FBXO11: variants seen among roughly 807,000 people sequenced by gnomAD.
The protein encoded by FBXO11 is F-box only protein 11.
FBXO11 carries 13 observed loss-of-function variants against 117.0 expected under a neutral mutation model. That is an observed-to-expected ratio of 0.11 (90% CI 0.07 to 0.18). The LOEUF (loss-of-function observed/expected upper bound fraction) is 0.18, where lower values mean the gene tolerates loss of function less well. Ranked by LOEUF, FBXO11 falls within the 10% of genes least tolerant of loss-of-function variation. The probability of loss-of-function intolerance (pLI) is 1.00; values close to 1 mark genes in which losing one functional copy is unlikely to be tolerated. For synonymous variants in FBXO11, 490 were observed against 380.5 expected, an observed-to-expected ratio of 1.29 and a Z score of -3.35; for missense variants, 767 against 1,164.4, an observed-to-expected ratio of 0.66 and a Z score of 4.97.
chr2:47,883,454 A>T, intron 1 of FBXO11: 2 of 402,234 alleles, frequency 5.0e-6, no homozygotes, highest in Non-Finnish European at 1.0e-5. Flanking sequence ...CCGCCACCAA[A>T]ATGCAGATTT....
chr2:47,869,016 TCA>T (rs1675410355), intron 1 of FBXO11, among the ~76,000 whole-genome samples: 1 of 152,314 alleles, frequency 6.6e-6, no homozygotes, highest in South Asian at 2.1e-4. Flanking sequence ...TTTTGAAGAT[TCA>T]GTTACAACGT....
At chr2:47,809,461 A>C in intron 20 of FBXO11, 139 bp downstream of exon 20, 1 of 723,622 alleles carries the variant, frequency 1.4e-6, no homozygotes, top group Non-Finnish European at 2.2e-6. Context: ...TTTAGAACCA[A>C]AGCTCTGTTT....
intron 1 of FBXO11, among the ~76,000 whole-genome samples, chr2:47,854,664 T>C (rs1167140664): frequency 6.6e-6 from 1 of 152,072 alleles, no homozygotes; most frequent in Non-Finnish European, 1.5e-5. Flanking sequence ...GGAAGTTTGG[T>C]TAAAACAGAT....
rs554444606 is a variant in FBXO11, at chr2:47,906,326, C to T, written c.-606G>A. On this transcript the variant is annotated 5_prime_UTR_variant, in exon 1 of 23. Transcript: ENST00000403359. ...CTCTCTCCTCCCCCCCTTCTCTCCT[C>T]GGCGAAGGGGAAATGAGTGTGAAGG... 3.3e-5 allele frequency among the ~76,000 whole-genome samples: 5 copies of T among 152,176 alleles called. No individual in the cohort carries two copies. Among genetic ancestry groups the T allele is most frequent in the African/African-American group, 1.2e-4 (5 of 41,524 alleles).
At chr2:47,897,513 G>A (rs1442895161) in intron 1 of FBXO11, among the ~76,000 whole-genome samples, 2 of 152,004 alleles carry the variant, frequency 1.3e-5, no homozygotes, top group Non-Finnish European at 2.9e-5. Context: ...CTTGGCCAAC[G>A]TGGGGAAACC....
Position 47,899,682 on chromosome 2 carries a change from G to C in FBXO11, c.232+5807C>G, listed in dbSNP as rs144563884. Among the ~76,000 whole-genome samples, 81 of 152,156 alleles carry C rather than the reference G, an allele frequency of 5.3e-4. No homozygotes were observed. In the East Asian group the frequency reaches 0.015, roughly 29 times the overall value. The stretch of plus-strand genomic sequence containing the variant: ...GTATCTTCATAATTTTATTTTCACA[G>C]GGTAGCAACTACAATTTGGGGAATA... On this transcript the variant is annotated intron_variant, in intron 1 of 22. Transcript: ENST00000403359.
At chr2:47,904,644 C>G (rs1678605446) in intron 1 of FBXO11, among the ~76,000 whole-genome samples, 1 of 151,330 alleles carries the variant, frequency 6.6e-6, no homozygotes, top group Admixed American at 6.6e-5. Context: ...GGGGCCAGTT[C>G]TAAGCAAGGG....
intron 1 of FBXO11, among the ~76,000 whole-genome samples, chr2:47,840,316 T>A (rs1672921345): frequency 6.6e-6 from 1 of 152,004 alleles, no homozygotes; most frequent in South Asian, 2.1e-4. Flanking sequence ...GAACTGGTAC[T>A]ACATGGTTAG....
rs534944384 is a variant in FBXO11, at chr2:47,832,203, T to C, written c.1398+146A>G. On this transcript the variant is annotated intron_variant, in intron 11 of 22. Coordinates refer to ENST00000403359, the MANE Select transcript of FBXO11 (RefSeq NM_001190274.2). ...AAATTTACAGAATAAATATTTCATATTAATTTTAAAAAATAATGCTGAAAT... is the reference window on the plus strand; with the variant it reads ...AAATTTACAGAATAAATATTTCATACTAATTTTAAAAAATAATGCTGAAAT... 3 of 620,418 alleles carry C rather than the reference T, an allele frequency of 4.8e-6. No homozygotes were observed. The South Asian group carries it at 8.7e-5, about 18-fold the overall frequency. The allele number at this position is 620,418 out of a possible 1,614,324, so 38.4% of individuals were successfully genotyped here.
intron 1 of FBXO11, chr2:47,883,743 G>A (rs1676608771): frequency 3.8e-6 from 1 of 266,578 alleles, no homozygotes; most frequent in African/African-American, 2.3e-5. Flanking sequence ...AGAAGGTTAA[G>A]TTGGCTGTCC....
chr2:47,853,850 A>C (rs887811764), intron 1 of FBXO11, among the ~76,000 whole-genome samples: 1 of 152,244 alleles, frequency 6.6e-6, no homozygotes, highest in Non-Finnish European at 1.5e-5. Context: ...GCTTAAAAAA[A>C]GTTATCCAAT....
Position 47,905,802 on chromosome 2 carries a change from G to GA in FBXO11, c.-83_-82insT. On this transcript the variant is annotated 5_prime_UTR_variant, in exon 1 of 23. Coordinates refer to ENST00000403359, the MANE Select transcript of FBXO11 (RefSeq NM_001190274.2). ...GAGCTTCGGGGCAGGAGAAAGGGGT[G>GA]GGGAGAGTGGGAGAGGGGGGAGGAA... 7.3e-7 allele frequency: 1 copy of GA among 1,361,448 alleles called. No individual in the cohort carries two copies. The highest frequency in any genetic ancestry group is 1.3e-5 in the South Asian group (1 of 78,146). The allele number at this position is 1,361,448 out of a possible 1,614,324, so 84.3% of individuals were successfully genotyped here.
In FBXO11 at chr2:47,869,792, G is replaced by A. The variant is rs114711365; in HGVS notation, c.233-30023C>T. Among the ~76,000 whole-genome samples, 161 of 152,284 alleles carry A rather than the reference G, an allele frequency of 1.1e-3. 1 individual carries two copies. Among genetic ancestry groups the A allele is most frequent in the Middle Eastern group, 0.01 (3 of 294 alleles). ...TGGGGCAAGGGTTAGTACACTTTTG[G>A]TCATAAACAGGATAGTCATATCCTA... On this transcript the variant is annotated intron_variant, in intron 1 of 22. Transcript: ENST00000403359.
At chr2:47,824,477 G>A (rs1671605831) in intron 11 of FBXO11, among the ~76,000 whole-genome samples, 1 of 152,130 alleles carries the variant, frequency 6.6e-6, no homozygotes, top group Admixed American at 6.6e-5. Context: ...GGACAACAGA[G>A]TCTCAAAAAT....
intron 1 of FBXO11, among the ~76,000 whole-genome samples, chr2:47,866,619 G>A (rs559335951): frequency 1.6e-4 from 25 of 151,916 alleles, no homozygotes; most frequent in Non-Finnish European, 3.1e-4. Flanking sequence ...GATTACAGGC[G>A]CGCACCACCA....
chr2:47,858,420 G>T (rs1223605483), intron 1 of FBXO11, among the ~76,000 whole-genome samples: 3 of 150,320 alleles, frequency 2.0e-5, no homozygotes, highest in African/African-American at 4.9e-5. Flanking sequence ...GGTGACTCAC[G>T]CCTGTAATCC....
chr2:47,866,327 C>G (rs1274178402), intron 1 of FBXO11, among the ~76,000 whole-genome samples: 1 of 149,856 alleles, frequency 6.7e-6, no homozygotes, highest in South Asian at 2.1e-4. Context: ...GCAGGTAATT[C>G]AAATACACTC....
intron 3 of FBXO11, 46 bp from the exon 4 acceptor site, chr2:47,839,049 C>G: frequency 6.5e-7 from 1 of 1,547,678 alleles, no homozygotes; most frequent in Non-Finnish European, 8.7e-7. Context: ...CAATAACTTT[C>G]TCATTATTTA....
chr2:47,872,996 A>C (rs1421432314), intron 1 of FBXO11, among the ~76,000 whole-genome samples: 1 of 152,196 alleles, frequency 6.6e-6, no homozygotes, highest in East Asian at 1.9e-4. Flanking sequence ...GGGCTCCACA[A>C]GCAGTTAAAA....
Sources: allele counts gnomAD v4.1 joint callset (sites outside exome capture counted in the v4.1 genomes callset), GRCh38; gene constraint gnomAD v4.1.1; transcripts MANE v1.5; gene names NCBI Gene and HGNC (gene_info 2026-07-23, HGNC 2026-07-21).